BABAM2: variants seen among roughly 807,000 people sequenced by gnomAD.
The protein encoded by BABAM2 is BRISC and BRCA1 A complex member 2, also known as BRISC and BRCA1-A complex member 2.
Under a neutral mutation model 54.7 loss-of-function variants are expected in BABAM2, and 31 were observed. The observed-to-expected ratio is 0.57, with a 90% CI of 0.43 to 0.77. BABAM2 has a LOEUF of 0.77. Ranked by LOEUF, BABAM2 falls within the 30% of genes least tolerant of loss-of-function variation. BABAM2 has a pLI of 0.00. For synonymous variants in BABAM2, 167 were observed against 162.9 expected (o/e 1.03, Z -0.19); for missense variants, 364 against 455.8 (o/e 0.80, Z 1.83).
upstream of BABAM2, among the ~76,000 whole-genome samples, chr2:27,889,054 G>A (rs150482751): frequency 1.6e-4 from 24 of 152,238 alleles, no homozygotes; most frequent in East Asian, 3.1e-3. Flanking sequence ...GCTTCTTCTC[G>A]TTACACAGTC....
chr2:27,998,423 G>C (rs193024462), intron 4 of BABAM2, among the ~76,000 whole-genome samples: 1 of 151,748 alleles, frequency 6.6e-6, no homozygotes, highest in African/African-American at 2.4e-5. Context: ...TTTTATTTCC[G>C]GTGTTTTTCT....
At chr2:28,204,948 A>G (rs918226481) in intron 7 of BABAM2, among the ~76,000 whole-genome samples, 2 of 151,852 alleles carry the variant, frequency 1.3e-5, no homozygotes, top group Non-Finnish European at 2.9e-5. Context: ...TGTCACTTTC[A>G]GTAAAAAAGT....
At chr2:28,136,869 T>C (rs370185127) in intron 7 of BABAM2, among the ~76,000 whole-genome samples, 36 of 152,052 alleles carry the variant, frequency 2.4e-4, no homozygotes, top group African/African-American at 6.8e-4. Flanking sequence ...GAACTGAAAA[T>C]TAAAATAATA....
At chr2:28,069,140 C>G (rs960104687) in intron 6 of BABAM2, among the ~76,000 whole-genome samples, 6 of 152,200 alleles carry the variant, frequency 3.9e-5, no homozygotes, top group African/African-American at 7.2e-5. Context: ...TTCTCTTCCT[C>G]TCTTGTTTTC....
chr2:28,121,891 G>T (rs1418001482), intron 6 of BABAM2, among the ~76,000 whole-genome samples: 1 of 152,040 alleles, frequency 6.6e-6, no homozygotes, highest in Admixed American at 6.5e-5. Context: ...ATAGGATTCT[G>T]TTTTGCAAAT....
chr2:28,338,823 C>A lies in BABAM2; in HGVS notation c.*310C>A, dbSNP rs535831997. ...GAAAGTAAAGCCTCAGGAATGCCCA[C>A]GCCTTTCTTCCAAAGCCTTTGTCTC... On this transcript the variant is annotated 3_prime_UTR_variant, in exon 12 of 12. Transcript: ENST00000379624. 6.1e-6 allele frequency: 2 copies of A among 329,908 alleles called. No individual in the cohort carries two copies. Among genetic ancestry groups the A allele is most frequent in the African/African-American group, 4.3e-5 (2 of 46,928 alleles). The allele number at this position is 329,908 out of a possible 1,614,324, so 20.4% of individuals were successfully genotyped here. A position where few individuals can be genotyped will look rare whatever the true frequency, so the allele number is the denominator to read the frequency against.
At chr2:28,288,814 C>A (rs1030250659) in intron 10 of BABAM2, among the ~76,000 whole-genome samples, 1 of 152,142 alleles carries the variant, frequency 6.6e-6, no homozygotes, top group African/African-American at 2.4e-5. Flanking sequence ...CTTCTCCCTG[C>A]GTGACACCGC....
At chr2:27,895,336 G>A (rs1449540854) in intron 2 of BABAM2, among the ~76,000 whole-genome samples, 2 of 152,138 alleles carry the variant, frequency 1.3e-5, no homozygotes, top group African/African-American at 4.8e-5. Flanking sequence ...CTCCCCAACA[G>A]TGACAGTTCC....
chr2:27,985,057 A>ATGTGTGTGTGTGTG lies in BABAM2; in HGVS notation c.206-2908_206-2895dup, dbSNP rs35552031. On this transcript the variant is annotated intron_variant, in intron 3 of 11. Coordinates refer to ENST00000379624, the MANE Select transcript of BABAM2 (RefSeq NM_199191.3). ...TTTTATGGCTTAGTAGTATTCCATG[A>ATGTGTGTGTGTGTG]TGTGTGTGTGTGTGTGTGTGTGTGT... is the stretch of plus-strand genomic sequence containing the variant. Among the ~76,000 whole-genome samples the ATGTGTGTGTGTGTG allele has an allele frequency of 4.4e-3, 608 of 137,498 alleles. 8 individuals are homozygous for ATGTGTGTGTGTGTG. Among genetic ancestry groups the ATGTGTGTGTGTGTG allele is most frequent in the African/African-American group, 0.015 (556 of 36,418 alleles). The allele number at this position is 137,498 out of a possible 152,430, so 90.2% of individuals were successfully genotyped here.
At chr2:28,024,542 C>G (rs746089548) in intron 4 of BABAM2, among the ~76,000 whole-genome samples, 20 of 152,158 alleles carry the variant, frequency 1.3e-4, no homozygotes, top group Non-Finnish European at 2.5e-4. Context: ...TACCTAAGTA[C>G]GTTGTCTCAA....
chr2:28,119,927 A>G (rs1668920877), intron 6 of BABAM2, among the ~76,000 whole-genome samples: 1 of 152,208 alleles, frequency 6.6e-6, no homozygotes, highest in South Asian at 2.1e-4. Flanking sequence ...TTCACTGAAT[A>G]TAGTTAGTTA....
rs997796682 is a variant in BABAM2, at chr2:28,314,737, G to A, written c.1088+16246G>A. Among the ~76,000 whole-genome samples the A allele has an allele frequency of 7.2e-5, 11 of 152,138 alleles. No individual in the cohort carries two copies. In the South Asian group the frequency reaches 8.3e-4, roughly 11 times the overall value. On this transcript the variant is annotated intron_variant, in intron 11 of 11. Coordinates refer to ENST00000379624, the MANE Select transcript of BABAM2 (RefSeq NM_199191.3). ...AGATTCTTCTCTTTAAGGTGGCAACGTGCAGGGAAAGAGCACTAGGAGTCG... is the reference window on the plus strand; with the variant it reads ...AGATTCTTCTCTTTAAGGTGGCAACATGCAGGGAAAGAGCACTAGGAGTCG...
chr2:28,014,419 C>T (rs892047590), intron 4 of BABAM2, among the ~76,000 whole-genome samples: 2 of 152,058 alleles, frequency 1.3e-5, no homozygotes, highest in African/African-American at 2.4e-5. Flanking sequence ...CGCAAATCAC[C>T]ATGTTTTACC....
chr2:27,954,958 A>T (rs1457765791), intron 3 of BABAM2, among the ~76,000 whole-genome samples: 1 of 152,178 alleles, frequency 6.6e-6, no homozygotes, highest in East Asian at 1.9e-4. Context: ...TTTTTGGTCA[A>T]GTAGTGCTCT....
At chr2:27,956,282 A>C (rs759006855) in intron 3 of BABAM2, among the ~76,000 whole-genome samples, 4 of 152,104 alleles carry the variant, frequency 2.6e-5, no homozygotes, top group African/African-American at 4.8e-5. Flanking sequence ...AAAATAGTAA[A>C]CTTTTTGAAG....
chr2:28,112,079 A>G (rs1668072335), intron 6 of BABAM2, among the ~76,000 whole-genome samples: 1 of 114,126 alleles, frequency 8.8e-6, no homozygotes, highest in African/African-American at 3.1e-5. Context: ...TGAGATACCC[A>G]TTACTCTTTC....
chr2:27,888,799 T>A (rs2148237814), upstream of BABAM2, among the ~76,000 whole-genome samples: 1 of 150,986 alleles, frequency 6.6e-6, no homozygotes, highest in Admixed American at 6.6e-5. Context: ...TAAAAAAAAA[T>A]GTGACCTTGA....
chr2:28,261,027 C>T (rs1396697143), intron 10 of BABAM2, among the ~76,000 whole-genome samples: 11 of 149,148 alleles, frequency 7.4e-5, no homozygotes, highest in African/African-American at 2.7e-4. Context: ...CTTCAACCTC[C>T]ACCTCCTAGA....
At chr2:28,066,075 C>T (rs2148650248) in intron 6 of BABAM2, among the ~76,000 whole-genome samples, 1 of 150,798 alleles carries the variant, frequency 6.6e-6, no homozygotes, top group South Asian at 2.1e-4. Flanking sequence ...AGGAGAACCA[C>T]TTGAACCTGG....
Sources: gnomAD v4.1 joint callset for allele counts (sites outside exome capture counted in the v4.1 genomes callset) on GRCh38, gnomAD v4.1.1 for gene constraint, MANE v1.5 for transcripts, NCBI Gene and HGNC (gene_info 2026-07-23, HGNC 2026-07-21) for gene names.